ARHGEF17: variants seen among roughly 807,000 people sequenced by gnomAD.
ARHGEF17 encodes 164 kDa Rho-specific guanine-nucleotide exchange factor.
A neutral mutation model predicts 174.0 loss-of-function variants in ARHGEF17; 80 were observed. That is an observed-to-expected ratio of 0.46 (90% CI 0.38 to 0.55). The LOEUF is 0.55. Ranked by LOEUF, ARHGEF17 falls within the 20% of genes least tolerant of loss-of-function variation. The pLI, the probability that ARHGEF17 is intolerant of heterozygous loss-of-function variation, is 0.00. For synonymous variants in ARHGEF17, 1,311 were observed against 1,189.1 expected, an observed-to-expected ratio of 1.10 and a Z score of -2.11; for missense variants, 2,886 against 2,839.7, an observed-to-expected ratio of 1.02 and a Z score of -0.37.
chr11:73,352,731 G>A, intron 2 of ARHGEF17, 99 bp from the exon 3 acceptor site: 1 of 1,362,082 alleles, frequency 7.3e-7, no homozygotes, highest in Non-Finnish European at 1.0e-6. Context: ...TGAGCTGCAG[G>A]CCCGGGTGAT....
At chr11:73,318,622 C>T (rs1864966418) in intron 1 of ARHGEF17, among the ~76,000 whole-genome samples, 1 of 152,182 alleles carries the variant, frequency 6.6e-6, no homozygotes, top group South Asian at 2.1e-4. Context: ...AGAGTGAGAC[C>T]TTGTCTCAGA....
intron 15 of ARHGEF17, 72 bp downstream of exon 15, chr11:73,363,527 C>A: frequency 6.4e-7 from 1 of 1,553,842 alleles, no homozygotes; most frequent in South Asian, 1.2e-5. Context: ...TCATGTGGTC[C>A]CCTGGAGCCA....
Position 73,368,086 on chromosome 11 carries a change from C to T in ARHGEF17, c.*306C>T, listed in dbSNP as rs763745787. 3.7e-5 allele frequency: 12 copies of T among 324,286 alleles called. No homozygotes were observed. The highest frequency in any genetic ancestry group is 6.2e-5 in the African/African-American group (3 of 48,182). 20.1% of individuals were successfully genotyped at this position (324,286 alleles called of 1,614,324 possible). On this transcript the variant is annotated 3_prime_UTR_variant, in exon 21 of 21. Coordinates refer to ENST00000263674, the MANE Select transcript of ARHGEF17 (RefSeq NM_014786.4). ...AAGACACAGCTGGGTCTGGACCCCA[C>T]GGGGCTGGGGAGGGCCATGTGCAAT...
chr11:73,349,637 A>C (rs1042539005), intron 2 of ARHGEF17, among the ~76,000 whole-genome samples: 1 of 152,134 alleles, frequency 6.6e-6, no homozygotes, highest in Non-Finnish European at 1.5e-5. Context: ...CAAAACAAAA[A>C]AAACAAAAGG....
At position 73,310,442 on chromosome 11, in the gene ARHGEF17, A is replaced by T; in HGVS notation, c.1804A>T (p.Ile602Phe). ...VQEARQVFEK[I>F]QRMGAQQDDG... ...GGAGGCCCGCCAGGTTTTTGAGAAG[A>T]TCCAGCGCATGGGTGCCCAACAAGA... Residue 602 changes from isoleucine (I) to phenylalanine (F), a missense_variant, in exon 1 of 21, where the codon ATC becomes TTC. By Grantham distance (21) the Ile-to-Phe change is conservative (BLOSUM62 0). Around this residue, in one of 4 missense-constraint regions of ARHGEF17, gnomAD observed 1,728 missense variants for 1,461.2 expected, o/e 1.18. Transcript: ENST00000263674. 6.2e-7 allele frequency: 1 copy of T among 1,613,962 alleles called. No homozygotes were observed. The highest frequency in any genetic ancestry group is 8.5e-7 in the Non-Finnish European group (1 of 1,180,020).
Position 73,327,053 on chromosome 11 carries a change from C to T in ARHGEF17, c.3192+15223C>T, listed in dbSNP as rs537031791. ...GTAAACTCTGTTGGGGGCCAGGTCT[C>T]CAGACGCAGCCAGGATGATGGAGCA... On this transcript the variant is annotated intron_variant, in intron 1 of 20. Coordinates refer to ENST00000263674, the MANE Select transcript of ARHGEF17 (RefSeq NM_014786.4). 5.9e-5 allele frequency among the ~76,000 whole-genome samples: 9 copies of T among 152,352 alleles called. No homozygotes were observed. In the South Asian group the frequency reaches 1.7e-3, roughly 28 times the overall value.
rs772335178 is a variant in ARHGEF17, at chr11:73,311,380, C to T, written c.2742C>T (p.Ser914=). The T allele has an allele frequency of 6.2e-7, 1 of 1,613,310 alleles. No individual in the cohort carries two copies. Among genetic ancestry groups the T allele is most frequent in the Non-Finnish European group, 8.5e-7 (1 of 1,180,044 alleles). ...ACCCCAAGCTGGCTGACATTCTGTC[C>T]CCGAGGCTAATCCGCCGAGGCTCCA... ...HLDPKLADIL[S]PRLIRRGSKK... Residue 914 remains serine, a synonymous_variant, in exon 1 of 21, where the codon TCC becomes TCT. Transcript: ENST00000263674.
chr11:73,349,139 G>T (rs2134412815), intron 2 of ARHGEF17, among the ~76,000 whole-genome samples: 1 of 152,284 alleles, frequency 6.6e-6, no homozygotes, highest in African/African-American at 2.4e-5. Context: ...AGTAGACATG[G>T]CAGGGGCCTG....
chr11:73,340,826 A>G (rs1865356434), intron 1 of ARHGEF17, among the ~76,000 whole-genome samples: 1 of 152,156 alleles, frequency 6.6e-6, no homozygotes, highest in Non-Finnish European at 1.5e-5. Context: ...CTTTCAAGCC[A>G]CCACTCAGTC....
chr11:73,350,861 G>A (rs189073516), intron 2 of ARHGEF17, among the ~76,000 whole-genome samples: 2 of 152,258 alleles, frequency 1.3e-5, no homozygotes, highest in East Asian at 1.9e-4. Flanking sequence ...CGCATTTATC[G>A]TGCTTCTTTC....
In ARHGEF17 at chr11:73,356,367, C is replaced by A. The variant is rs1192246364; in HGVS notation, c.3840+16C>A. 5.7e-6 allele frequency: 9 copies of A among 1,587,162 alleles called. No homozygotes were observed. The highest frequency in any genetic ancestry group is 7.7e-6 in the Non-Finnish European group (9 of 1,171,234). On this transcript the variant is annotated intron_variant, in intron 6 of 20. Transcript: ENST00000263674. ...CATGGAGGATGTGCGTGCGCCCTGCCCCACCCCACCCTACCCCACCCCACC... is the reference window on the plus strand; with the variant it reads ...CATGGAGGATGTGCGTGCGCCCTGCACCACCCCACCCTACCCCACCCCACC...
chr11:73,333,024 C>T (rs932500815), intron 1 of ARHGEF17, among the ~76,000 whole-genome samples: 1 of 152,194 alleles, frequency 6.6e-6, no homozygotes, highest in Admixed American at 6.5e-5. Context: ...GCCCTGGCCC[C>T]ACCAACCTCT....
Position 73,310,532 on chromosome 11 carries a change from T to C in ARHGEF17, c.1894T>C (p.Ser632Pro). 1 of 1,613,970 alleles carries C rather than the reference T, an allele frequency of 6.2e-7. No individual in the cohort carries two copies. Among genetic ancestry groups the C allele is most frequent in the Non-Finnish European group, 8.5e-7 (1 of 1,180,020 alleles). The change falls in exon 1 of 21, where the codon TCC becomes CCC. Residue 632 changes from serine to proline, a missense_variant. Transcript: ENST00000263674. Reference sequence around the variant, plus strand: ...AGGGGATGTGACCCGAGGGCAGCGGTCCCAGGAGGAGCTCTCAGGCCCTGA... The same window carrying C: ...AGGGGATGTGACCCGAGGGCAGCGGCCCCAGGAGGAGCTCTCAGGCCCTGA... ...WAGDVTRGQR[S>P]QEELSGPESS...
rs1263229302 is a variant in ARHGEF17, at chr11:73,329,354, TATATATA to T, written c.3192+17525_3193-17522del. Among the ~76,000 whole-genome samples the T allele has an allele frequency of 1.9e-4, 8 of 41,342 alleles. 1 individual carries two copies. Among genetic ancestry groups the T allele is most frequent in the African/African-American group, 1.5e-3 (8 of 5,246 alleles). 27.1% of individuals were successfully genotyped at this position (41,342 alleles called of 152,430 possible). A position where few individuals can be genotyped will look rare whatever the true frequency, so the allele number is the denominator to read the frequency against. On this transcript the variant is annotated intron_variant, in intron 1 of 20. Coordinates refer to ENST00000263674, the MANE Select transcript of ARHGEF17 (RefSeq NM_014786.4). Reference sequence around the variant, plus strand: ...ATATATATATATATATATATATATATATATATATATATATATATATTTTTTTTTTTTT... The same window carrying T: ...ATATATATATATATATATATATATATTATATATATATATTTTTTTTTTTTT...
chr11:73,319,298 G>A lies in ARHGEF17; in HGVS notation c.3192+7468G>A, dbSNP rs181665756. On this transcript the variant is annotated intron_variant, in intron 1 of 20. Coordinates refer to ENST00000263674, the MANE Select transcript of ARHGEF17 (RefSeq NM_014786.4). ...AGGATGGTCTCGATTTCTTGACCTC[G>A]TGATCCGCCTGCCTCGACCTCCCAA... 2.5e-3 allele frequency among the ~76,000 whole-genome samples: 384 copies of A among 152,058 alleles called. 2 individuals carry two copies. Among genetic ancestry groups the A allele is most frequent in the Non-Finnish European group, 3.9e-3 (263 of 67,968 alleles).
rs1864782796 is a variant in ARHGEF17 at position 73,309,936 on chromosome 11, G to C, written c.1298G>C (p.Arg433Pro). Residue 433 changes from arginine to proline, a missense_variant, in exon 1 of 21, where the codon CGA becomes CCA. This residue lies in a region of ARHGEF17 where 1,728 missense variants were observed against 1,461.2 expected (regional missense o/e 1.18). Transcript: ENST00000263674. ...GAAGGGCTCCTGCGGTCCCAGGCTC[G>C]AACCCGTGCCAAAGGACCTGGAGGC... The part of the protein sequence containing the change: ...AGEGLLRSQA[R>P]TRAKGPGGTS... 6.2e-7 allele frequency: 1 copy of C among 1,613,450 alleles called. No homozygotes were observed. Among genetic ancestry groups the C allele is most frequent in the Non-Finnish European group, 8.5e-7 (1 of 1,179,896 alleles).
At chr11:73,339,695 G>A (rs1205152429) in intron 1 of ARHGEF17, among the ~76,000 whole-genome samples, 2 of 152,178 alleles carry the variant, frequency 1.3e-5, no homozygotes, top group African/African-American at 4.8e-5. Flanking sequence ...GGAGGGTTAG[G>A]TGCTCCCCAG....
intron 1 of ARHGEF17, among the ~76,000 whole-genome samples, chr11:73,327,779 C>A (rs1007433324): frequency 6.6e-6 from 1 of 151,986 alleles, no homozygotes; most frequent in Non-Finnish European, 1.5e-5. Flanking sequence ...TTGAGACTCT[C>A]GGGGGACAAG....
chr11:73,331,112 G>A (rs777521709), intron 1 of ARHGEF17, among the ~76,000 whole-genome samples: 2 of 152,284 alleles, frequency 1.3e-5, no homozygotes, highest in African/African-American at 2.4e-5. Flanking sequence ...AAATAGAGAA[G>A]CCAGAGTGGA....
Sources: gnomAD v4.1 joint callset for allele counts (sites outside exome capture counted in the v4.1 genomes callset) on GRCh38, gnomAD v4.1.1 for gene constraint, gnomAD v4.1.1 regional missense constraint, MANE v1.5 for transcripts, NCBI Gene and HGNC (gene_info 2026-07-23, HGNC 2026-07-21) for gene names.